The following HERC2 variants were observed in gnomAD, a reference collection of about 807,000 sequenced individuals.
HERC2 encodes E3 ubiquitin-protein ligase HERC2.
Under a neutral mutation model 537.7 loss-of-function variants are expected in HERC2, and 102 were observed. That is an observed-to-expected ratio of 0.19 (90% confidence interval 0.16 to 0.22). HERC2 has a LOEUF of 0.22. Among genes scored for constraint, HERC2 ranks in the 10% least tolerant of loss-of-function variants. The probability of loss-of-function intolerance (pLI) is 1.00; values close to 1 mark genes in which losing one functional copy is unlikely to be tolerated. For synonymous variants in HERC2, 2,224 were observed against 2,466.2 expected (o/e 0.90, Z 2.91); for missense variants, 4,236 against 6,198.2 (o/e 0.68, Z 10.63).
chr15:28,188,715 G>A (rs373275902), intron 55 of HERC2, among the ~76,000 whole-genome samples: 1 of 152,110 alleles, frequency 6.6e-6, no homozygotes, highest in Admixed American at 6.6e-5. Context: ...AACATGACTG[G>A]CAAAATGTTG....
At chr15:28,290,071 C>A (rs2076272302) in intron 4 of HERC2, among the ~76,000 whole-genome samples, 1 of 152,234 alleles carries the variant, frequency 6.6e-6, no homozygotes, top group African/African-American at 2.4e-5. Context: ...CCCACTTTGC[C>A]TGAGCACACA....
chr15:28,127,816 G>A (rs1345739862), intron 83 of HERC2, among the ~76,000 whole-genome samples: 2 of 152,112 alleles, frequency 1.3e-5, no homozygotes, highest in Non-Finnish European at 2.9e-5. Context: ...AAAATAAATA[G>A]ACTATATACC....
chr15:28,190,032 A>T (rs1896688483), intron 55 of HERC2, among the ~76,000 whole-genome samples: 1 of 148,472 alleles, frequency 6.7e-6, no homozygotes, highest in African/African-American at 2.5e-5. Flanking sequence ...TTTTGAGACA[A>T]GAGTCTGGCT....
chr15:28,237,697 A>G (rs182709728), intron 25 of HERC2, among the ~76,000 whole-genome samples: 1 of 152,246 alleles, frequency 6.6e-6, no homozygotes, highest in Non-Finnish European at 1.5e-5. Flanking sequence ...ATACCTGGAA[A>G]GCTAATCCCA....
chr15:28,238,629 G>C lies in HERC2; in HGVS notation c.3721C>G (p.Gln1241Glu). ...AGAATACTATTTCCTGTTAACGACT[G>C]TGTCTGGAAGTCCTTTATATCATAC... ...KVYDIKDFQTQSLTGNSILAQ... is the reference protein window; with the variant it reads ...KVYDIKDFQTESLTGNSILAQ... Residue 1241 changes from glutamine (Q) to glutamate (E), a missense_variant, in exon 24 of 93, where the codon CAG (glutamine) becomes GAG (glutamate). Physicochemically the swap from Gln to Glu is conservative, Grantham distance 29 (BLOSUM62 2). Coordinates refer to ENST00000261609, the MANE Select transcript of HERC2 (RefSeq NM_004667.6). 6.2e-7 allele frequency: 1 copy of C among 1,611,478 alleles called. No individual in the cohort carries two copies. Among genetic ancestry groups the C allele is most frequent in the African/African-American group, 1.3e-5 (1 of 74,938 alleles).
In HERC2 at chr15:28,295,888, T is replaced by C. The variant is rs369055949; in HGVS notation, c.188-2866A>G. Among the ~76,000 whole-genome samples the C allele has an allele frequency of 5.3e-5, 8 of 152,250 alleles. No individual in the cohort carries two copies. The East Asian group carries it at 1.5e-3, about 29-fold the overall frequency. ...CTACAGCTGCAAGGTCCCATGGCTA[T>C]GACAGAGACCATAGGGTCCACTGAG... On this transcript the variant is annotated intron_variant, in intron 3 of 92. Coordinates refer to ENST00000261609, the MANE Select transcript of HERC2 (RefSeq NM_004667.6).
rs1889372408 is a variant in HERC2 at position 28,125,418 on chromosome 15, G to A, written c.12803-225C>T. Among the ~76,000 whole-genome samples, 3 of 152,130 alleles carry A rather than the reference G, an allele frequency of 2.0e-5. No homozygotes were observed. The South Asian group carries it at 6.2e-4, about 32-fold the overall frequency. Reference sequence around the variant, plus strand: ...TCCAAAGAGGCGAGTATACTTCCCAGGACTCTCCACAGCCCCTGTTGGCCA... The same window carrying A: ...TCCAAAGAGGCGAGTATACTTCCCAAGACTCTCCACAGCCCCTGTTGGCCA... On this transcript the variant is annotated intron_variant, in intron 83 of 92. Coordinates refer to ENST00000261609, the MANE Select transcript of HERC2 (RefSeq NM_004667.6).
intron 69 of HERC2, among the ~76,000 whole-genome samples, chr15:28,154,972 G>A (rs1314504681): frequency 7.4e-6 from 1 of 135,622 alleles, no homozygotes; most frequent in African/African-American, 2.9e-5. Flanking sequence ...GTGTCCAAGT[G>A]TTCTCATTGT....
rs1253624398 is a variant in HERC2, at chr15:28,137,158, A to G, written c.12016-1466T>C. On this transcript the variant is annotated intron_variant, in intron 78 of 92. Coordinates refer to ENST00000261609, the MANE Select transcript of HERC2 (RefSeq NM_004667.6). ...ATTAACTTTAGGTTTTTAAGTACCT[A>G]TGTTAAAATAACCAGAGAAACAATG... Among the ~76,000 whole-genome samples, 7 of 152,236 alleles carry G rather than the reference A, an allele frequency of 4.6e-5. No homozygotes were observed. In the East Asian group the frequency reaches 1.3e-3, roughly 29 times the overall value.
chr15:28,238,009 C>T, intron 25 of HERC2, 105 bp downstream of exon 25: 1 of 845,106 alleles, frequency 1.2e-6, no homozygotes. Flanking sequence ...TAATGCCCCA[C>T]AAAAGACCCA....
chr15:28,137,273 G>GCA (rs1890743305), intron 78 of HERC2, among the ~76,000 whole-genome samples: 1 of 152,214 alleles, frequency 6.6e-6, no homozygotes, highest in Admixed American at 6.5e-5. Context: ...ACCTGTGCTA[G>GCA]CAGTCTGCCT....
chr15:28,270,869 C>T lies in HERC2; in HGVS notation c.1084-1G>A, dbSNP rs1567097977. The stretch of plus-strand genomic sequence containing the variant: ...TGGGGCTCAGAGGGCCAGACAAAAG[C>T]TAGAAAGGAAAAGTAAACAAAAATT... On this transcript the variant is annotated splice_acceptor_variant, in intron 9 of 92. Coordinates refer to ENST00000261609, the MANE Select transcript of HERC2 (RefSeq NM_004667.6). LOFTEE classifies it high-confidence loss of function. 6.2e-7 allele frequency: 1 copy of T among 1,612,744 alleles called. No individual in the cohort carries two copies.
chr15:28,298,998 G>T (rs112794030), intron 3 of HERC2, among the ~76,000 whole-genome samples: 38 of 152,242 alleles, frequency 2.5e-4, no homozygotes, highest in South Asian at 4.2e-4. Context: ...TATACAAGCA[G>T]CCATTTTTTT....
Position 28,179,038 on chromosome 15 carries a change from G to T in HERC2, c.9020-8C>A, listed in dbSNP as rs752994412. 10 of 1,612,760 alleles carry T rather than the reference G, an allele frequency of 6.2e-6. No homozygotes were observed. In the East Asian group the frequency reaches 2.2e-4, roughly 36 times the overall value. ...CCTTCCCTTCCACAGTCACTGCAAGGAACGACAGCCAGGAGAGGACTCTCT... is the reference window on the plus strand; with the variant it reads ...CCTTCCCTTCCACAGTCACTGCAAGTAACGACAGCCAGGAGAGGACTCTCT... On this transcript the variant is annotated splice_polypyrimidine_tract_variant and splice_region_variant and intron_variant, in intron 58 of 92. Transcript: ENST00000261609.
At chr15:28,302,690 T>C (rs1352506422) in intron 2 of HERC2, among the ~76,000 whole-genome samples, 2 of 121,880 alleles carry the variant, frequency 1.6e-5, no homozygotes, top group Non-Finnish European at 1.7e-5. Flanking sequence ...CTTTTGGATA[T>C]AAGCCATTTT....
rs1180756887 is a variant in HERC2 at position 28,268,059 on chromosome 15, AG to A, written c.1598+405del. The stretch of plus-strand genomic sequence containing the variant: ...TCCACTGAGTAGGATAATATTAGGA[AG>A]AAACTGCTGACTTTTGTTCCTGTAA... On this transcript the variant is annotated intron_variant, in intron 12 of 92. Transcript: ENST00000261609. This position sits in a 1 kb window ranked among gnomAD's most constrained non-coding sequence, Gnocchi z 4.7. Among the ~76,000 whole-genome samples the A allele has an allele frequency of 6.6e-6, 1 of 152,226 alleles. No homozygotes were observed. Among genetic ancestry groups the A allele is most frequent in the Non-Finnish European group, 1.5e-5 (1 of 68,036 alleles).
At chr15:28,187,035 G>C (rs532006612) in intron 55 of HERC2, among the ~76,000 whole-genome samples, 1 of 152,324 alleles carries the variant, frequency 6.6e-6, no homozygotes, top group South Asian at 2.1e-4. Context: ...CTTACTGAAT[G>C]ACTGCAAACT....
chr15:28,229,073 C>T (rs921226579), intron 34 of HERC2, 122 bp downstream of exon 34: 6 of 935,564 alleles, frequency 6.4e-6, no homozygotes, highest in Non-Finnish European at 8.7e-6. Flanking sequence ...ATAGATTATA[C>T]AAGTACAAAG....
At chr15:28,136,323 A>ATG (rs1890631548) in intron 78 of HERC2, among the ~76,000 whole-genome samples, 4 of 151,942 alleles carry the variant, frequency 2.6e-5, no homozygotes, top group East Asian at 1.9e-4. Context: ...GTGCTGCTGC[A>ATG]CTGACATAAT....
Sources: gnomAD v4.1 joint callset for allele counts (sites outside exome capture counted in the v4.1 genomes callset) on GRCh38, gnomAD v4.1.1 for gene constraint, Gnocchi (gnomAD v3.1) non-coding constraint, MANE v1.5 for transcripts, NCBI Gene and HGNC (gene_info 2026-07-23, HGNC 2026-07-21) for gene names.